Variants in HDGFL3 observed in about 807,000 individuals in gnomAD.
HDGFL3 encodes hepatoma-derived growth factor-related protein 3.
Under a neutral mutation model 27.6 loss-of-function variants are expected in HDGFL3, and 6 were observed. The observed-to-expected ratio is 0.22, with a 90% CI of 0.12 to 0.43. HDGFL3 has a LOEUF of 0.43. Among genes scored for constraint, HDGFL3 ranks in the 20% least tolerant of loss-of-function variants. HDGFL3 has a pLI of 1.00. For synonymous variants in HDGFL3, 88 were observed against 88.9 expected (o/e 0.99, Z 0.05); for missense variants, 207 against 250.1 (o/e 0.83, Z 1.16).
intron 5 of HDGFL3, among the ~76,000 whole-genome samples, chr15:83,142,803 T>C (rs1022260549): frequency 2.0e-5 from 3 of 152,248 alleles, no homozygotes; most frequent in African/African-American, 7.2e-5. Flanking sequence ...AGGATCTAGT[T>C]GTCTTCTATC....
rs368754544 is a variant in HDGFL3, at chr15:83,139,204, A to G, written c.*66T>C. 1.7e-6 allele frequency: 2 copies of G among 1,167,246 alleles called. No homozygotes were observed. Among genetic ancestry groups the G allele is most frequent in the Non-Finnish European group, 2.3e-6 (2 of 861,248 alleles). 72.3% of individuals were successfully genotyped at this position (1,167,246 alleles called of 1,614,324 possible). A position where few individuals can be genotyped will look rare whatever the true frequency, so the allele number is the denominator to read the frequency against. Reference sequence around the variant, plus strand: ...GTGTTGGTTCATATCAAATCCAAGAATATTAGACAACCAAACATATAACCT... The same window carrying G: ...GTGTTGGTTCATATCAAATCCAAGAGTATTAGACAACCAAACATATAACCT... On this transcript the variant is annotated 3_prime_UTR_variant, in exon 6 of 6. Coordinates refer to ENST00000299633, the MANE Select transcript of HDGFL3 (RefSeq NM_016073.4).
Position 83,157,438 on chromosome 15 carries a change from G to A in HDGFL3, c.436C>T (p.Arg146Trp). The A allele has an allele frequency of 6.2e-7, 1 of 1,613,140 alleles. No individual in the cohort carries two copies. Among genetic ancestry groups the A allele is most frequent in the Non-Finnish European group, 8.5e-7 (1 of 1,179,398 alleles). Residue 146 changes from arginine to tryptophan, a missense_variant, in exon 4 of 6, where the codon CGG becomes TGG. By Grantham distance (101) the Arg-to-Trp change is moderately radical (BLOSUM62 -3). Coordinates refer to ENST00000299633, the MANE Select transcript of HDGFL3 (RefSeq NM_016073.4). ...KRKNEKAGSK[R>W]KKSYTSKKSS... is the part of the protein sequence containing the mutation. Reference sequence around the variant, plus strand: ...ACCTTTGAAGTATATGACTTTTTCCGTTTTGAGCCTGCTTTTTCATTCTTT... The same window carrying A: ...ACCTTTGAAGTATATGACTTTTTCCATTTTGAGCCTGCTTTTTCATTCTTT...
intron 3 of HDGFL3, among the ~76,000 whole-genome samples, chr15:83,122,161 G>A (rs1200005724): frequency 6.6e-6 from 1 of 152,122 alleles, no homozygotes; most frequent in Non-Finnish European, 1.5e-5. Context: ...TTTAAAAAAA[G>A]TACTTTTTAA....
At chr15:83,163,134 T>C (rs567070503) in intron 2 of HDGFL3, among the ~76,000 whole-genome samples, 11 of 152,330 alleles carry the variant, frequency 7.2e-5, no homozygotes, top group East Asian at 1.9e-4. Flanking sequence ...TTAATGTCGA[T>C]AGGTTTTTGG....
At chr15:83,114,049 A>G (rs945200917) in exon 4 of HDGFL3, 1 of 152,312 alleles carries the variant, frequency 6.6e-6, no homozygotes. Flanking sequence ...TCATTAGATG[A>G]GCTGGGTCCG....
At chr15:83,116,510 C>T (rs895475721) in intron 3 of HDGFL3, among the ~76,000 whole-genome samples, 2 of 152,192 alleles carry the variant, frequency 1.3e-5, no homozygotes, top group African/African-American at 4.8e-5. Flanking sequence ...GAAAAGGGCT[C>T]AAAGCAGATT....
In HDGFL3 at chr15:83,135,825, T is replaced by C. The variant is rs1208406460; in HGVS notation, c.*3445A>G. The C allele has an allele frequency of 6.6e-6, 1 of 152,218 alleles. No homozygotes were observed. Among genetic ancestry groups the C allele is most frequent in the Admixed American group, 6.5e-5 (1 of 15,274 alleles). 9.4% of individuals were successfully genotyped at this position (152,218 alleles called of 1,614,324 possible). A position where few individuals can be genotyped will look rare whatever the true frequency, so the allele number is the denominator to read the frequency against. Reference sequence around the variant, plus strand: ...ATTTTACAAAGAGCAACCGTACTCCTACCTCCACCCAAGTTGGTAACAACC... The same window carrying C: ...ATTTTACAAAGAGCAACCGTACTCCCACCTCCACCCAAGTTGGTAACAACC... On this transcript the variant is annotated 3_prime_UTR_variant, in exon 6 of 6. Coordinates refer to ENST00000299633, the MANE Select transcript of HDGFL3 (RefSeq NM_016073.4).
At position 83,130,649 on chromosome 15, in the gene HDGFL3, T is replaced by C. The variant is rs1014771656; in HGVS notation, c.*8621A>G. 3 of 152,232 alleles carry C rather than the reference T, an allele frequency of 2.0e-5. No individual in the cohort carries two copies. Among genetic ancestry groups the C allele is most frequent in the Admixed American group, 2.0e-4 (3 of 15,286 alleles). The allele number at this position is 152,232 out of a possible 1,614,324, so 9.4% of individuals were successfully genotyped here. On this transcript the variant is annotated 3_prime_UTR_variant, in exon 6 of 6. Transcript: ENST00000299633. ...TTAATATCTACCCACTTATAGTGTG[T>C]AGGCTAAGGAAAAGTTAGAAGCCAT...
chr15:83,191,935 CTTTT>C (rs749998701), intron 1 of HDGFL3, among the ~76,000 whole-genome samples: 91 of 106,696 alleles, frequency 8.5e-4, no homozygotes, highest in African/African-American at 3.0e-3. Context: ...CTTATCTCTC[CTTTT>C]TTTTTTTTTT....
intron 1 of HDGFL3, among the ~76,000 whole-genome samples, chr15:83,165,917 T>C (rs1221306362): frequency 6.7e-6 from 1 of 149,582 alleles, no homozygotes; most frequent in Non-Finnish European, 1.5e-5. Context: ...AAAAGAATTA[T>C]AAAAAATGAA....
intron 1 of HDGFL3, among the ~76,000 whole-genome samples, chr15:83,203,497 T>TA (rs1057059087): frequency 1.8e-4 from 28 of 151,438 alleles, no homozygotes; most frequent in African/African-American, 6.5e-4. Context: ...AACAGGTGGC[T>TA]AAAAAAAAGA....
intron 1 of HDGFL3, among the ~76,000 whole-genome samples, chr15:83,202,236 T>C (rs1197688911): frequency 6.6e-6 from 1 of 152,180 alleles, no homozygotes; most frequent in Non-Finnish European, 1.5e-5. Context: ...TATACCCCTG[T>C]GCCTTACATA....
At chr15:83,119,552 G>T in intron 3 of HDGFL3, 1 of 1,612,354 alleles carries the variant, frequency 6.2e-7, no homozygotes, top group Non-Finnish European at 8.5e-7. Context: ...TATTTAAAGT[G>T]GACTTCTTTT....
intron 5 of HDGFL3, among the ~76,000 whole-genome samples, chr15:83,148,557 G>A (rs2036927802): frequency 6.6e-6 from 1 of 152,114 alleles, no homozygotes; most frequent in African/African-American, 2.4e-5. Context: ...GGGATGCAGA[G>A]CTTGCAGTGA....
intron 1 of HDGFL3, among the ~76,000 whole-genome samples, chr15:83,167,278 G>T (rs555646933): frequency 2.8e-4 from 42 of 152,312 alleles, no homozygotes; most frequent in African/African-American, 1.0e-3. Flanking sequence ...AAAGAAGGCT[G>T]AGCGTGGTGG....
At chr15:83,186,375 C>T (rs1280011096) in intron 1 of HDGFL3, among the ~76,000 whole-genome samples, 1 of 152,174 alleles carries the variant, frequency 6.6e-6, no homozygotes, top group Non-Finnish European at 1.5e-5. Flanking sequence ...CTGAACACTA[C>T]TAGCTGCTTA....
At chr15:83,196,525 C>A (rs1353895663) in intron 1 of HDGFL3, among the ~76,000 whole-genome samples, 1 of 151,994 alleles carries the variant, frequency 6.6e-6, no homozygotes, top group African/African-American at 2.4e-5. Context: ...TTGAAAATGA[C>A]TATAAAACAC....
In HDGFL3 at chr15:83,166,472, C is replaced by A. The variant is rs541684992; in HGVS notation, c.85-2397G>T. Among the ~76,000 whole-genome samples the A allele has an allele frequency of 6.6e-5, 10 of 152,202 alleles. No individual in the cohort carries two copies. The South Asian group carries it at 1.9e-3, about 28-fold the overall frequency. On this transcript the variant is annotated intron_variant, in intron 1 of 5. Transcript: ENST00000299633. ...GAGATCCTTAAGGAAGTTCTAAATACGGAAACAAAAGAATAATACCTGTTA... is the reference window on the plus strand; with the variant it reads ...GAGATCCTTAAGGAAGTTCTAAATAAGGAAACAAAAGAATAATACCTGTTA...
chr15:83,146,860 A>C (rs900649406), intron 5 of HDGFL3, among the ~76,000 whole-genome samples: 1 of 152,064 alleles, frequency 6.6e-6, no homozygotes, highest in Non-Finnish European at 1.5e-5. Flanking sequence ...CTCTCTCTTG[A>C]ATCTTCCAAC....
Sources: allele counts gnomAD v4.1 joint callset (sites outside exome capture counted in the v4.1 genomes callset), GRCh38; gene constraint gnomAD v4.1.1; transcripts MANE v1.5; gene names NCBI Gene and HGNC (gene_info 2026-07-23, HGNC 2026-07-21).